Variants in MKI67 observed in about 807,000 individuals in gnomAD.
MKI67 encodes the protein marker of proliferation Ki-67.
A neutral mutation model predicts 233.5 loss-of-function variants in MKI67; 152 were observed. The observed-to-expected ratio is 0.65, with a 90% CI of 0.57 to 0.74. The LOEUF (loss-of-function observed/expected upper bound fraction) is 0.74. Among genes scored for constraint, MKI67 ranks in the 30% least tolerant of loss-of-function variants. The pLI is 0.00. For synonymous variants in MKI67, 1,465 were observed against 1,418.5 expected, an observed-to-expected ratio of 1.03 and a Z score of -0.74; for missense variants, 3,940 against 3,885.2, an observed-to-expected ratio of 1.01 and a Z score of -0.37.
chr10:128,105,742 G>A lies in MKI67; in HGVS notation c.6098C>T (p.Ala2033Val). The change falls in exon 13 of 15, where the codon GCA becomes GTA. Residue 2033 changes from alanine to valine, a missense_variant. Physicochemically the swap from Ala to Val is moderately conservative, Grantham distance 64. Transcript: ENST00000368654. ...GKTTQTHRETAGDGKSIKAFK... is the reference protein window; with the variant it reads ...GKTTQTHRETVGDGKSIKAFK... ...CGCTTTGATGCTCTTTCCATCTCCT[G>A]CTGTCTCTCTGTGTGTCTGTGTGGT... 1.2e-6 allele frequency: 2 copies of A among 1,614,050 alleles called. No homozygotes were observed. The highest frequency in any genetic ancestry group is 8.5e-7 in the Non-Finnish European group (1 of 1,180,024).
chr10:128,104,271 T>G lies in MKI67; in HGVS notation c.7569A>C (p.Lys2523Asn), dbSNP rs1852418764. The change falls in exon 13 of 15, where the codon AAA becomes AAC. Residue 2523 changes from lysine to asparagine, a missense_variant. Lys to Asn is a moderately conservative substitution (Grantham distance 94). Coordinates refer to ENST00000368654, the MANE Select transcript of MKI67 (RefSeq NM_002417.5). ...TCTGCTTTGGAGACTCCTTAAACGCTTTGATGCTCTTACTATCTCCTGTTG... is the reference window on the plus strand; with the variant it reads ...TCTGCTTTGGAGACTCCTTAAACGCGTTGATGCTCTTACTATCTCCTGTTG... The part of the protein sequence containing the change: ...TEPTGDSKSI[K>N]AFKESPKQIL... The G allele has an allele frequency of 1.2e-6, 2 of 1,614,004 alleles. No homozygotes were observed. Among genetic ancestry groups the G allele is most frequent in the East Asian group, 2.2e-5 (1 of 44,874 alleles).
chr10:128,099,763 T>C (rs1217847596), intron 14 of MKI67, among the ~76,000 whole-genome samples: 1 of 152,194 alleles, frequency 6.6e-6, no homozygotes, highest in Non-Finnish European at 1.5e-5. Flanking sequence ...AGCTTCTTAC[T>C]GGAAAAAATC....
rs778623506 is a variant in MKI67 at position 128,107,198 on chromosome 10, C to T, written c.4642G>A (p.Glu1548Lys). 45 of 1,614,086 alleles carry T rather than the reference C, an allele frequency of 2.8e-5. No homozygotes were observed. The highest frequency in any genetic ancestry group is 3.5e-5 in the Non-Finnish European group (41 of 1,180,024). The change falls in exon 13 of 15, where the codon GAG becomes AAG. Residue 1548 changes from glutamate (E) to lysine (K), a missense_variant. Glu to Lys is a moderately conservative substitution (Grantham distance 56). Transcript: ENST00000368654. ...MHTPKPAVSG[E>K]KNIYAFMGTP... ...CCCATAAATGCGTAGATGTTTTTCT[C>T]ACCACTTACTGCTGGTTTGGGTGTG...
chr10:128,107,737 G>T lies in MKI67; in HGVS notation c.4103C>A (p.Thr1368Asn). ...HTEEAVAAGKTTKMPCESSPP... is the reference protein window; with the variant it reads ...HTEEAVAAGKNTKMPCESSPP... ...AGAAGATTCGCAGGGCATTTTAGTAGTTTTGCCAGCAGCCACTGCTTCTTC... is the reference window on the plus strand; with the variant it reads ...AGAAGATTCGCAGGGCATTTTAGTATTTTTGCCAGCAGCCACTGCTTCTTC... The change falls in exon 13 of 15, where the codon ACT becomes AAT. Residue 1368 changes from threonine to asparagine, a missense_variant. Physicochemically the swap from Thr to Asn is moderately conservative, Grantham distance 65 (BLOSUM62 0). Transcript: ENST00000368654. 1 of 1,613,798 alleles carries T rather than the reference G, an allele frequency of 6.2e-7. No individual in the cohort carries two copies. The highest frequency in any genetic ancestry group is 1.3e-5 in the African/African-American group (1 of 74,868).
At chr10:128,102,323 C>T (rs991984120) in intron 13 of MKI67, among the ~76,000 whole-genome samples, 1 of 152,358 alleles carries the variant, frequency 6.6e-6, no homozygotes, top group Middle Eastern at 3.4e-3. Context: ...TGAAGATGAA[C>T]ATTACTCATT....
chr10:128,107,255 T>C lies in MKI67; in HGVS notation c.4585A>G (p.Lys1529Glu), dbSNP rs200474552. Residue 1529 changes from lysine to glutamate, a missense_variant, in exon 13 of 15, where the codon AAA becomes GAA. Lys to Glu is a moderately conservative substitution (Grantham distance 56, BLOSUM62 1). Transcript: ENST00000368654. ...DVEEEFFALRKRTPSAGKAMH... is the reference protein window; with the variant it reads ...DVEEEFFALRERTPSAGKAMH... ...GCTTTGCCTGCTGATGGTGTTCGTT[T>C]CCTGAGTGCGAAGAATTCTTCTTCT... 111 of 1,614,176 alleles carry C rather than the reference T, an allele frequency of 6.9e-5. No homozygotes were observed. Among genetic ancestry groups the C allele is most frequent in the Admixed American group, 8.3e-5 (5 of 60,026 alleles).
intron 5 of MKI67, among the ~76,000 whole-genome samples, chr10:128,118,654 T>A (rs1469033856): frequency 1.3e-5 from 2 of 152,198 alleles, no homozygotes; most frequent in Non-Finnish European, 2.9e-5. Flanking sequence ...TCTTCCACAC[T>A]GATATACTCA....
rs1447244072 is a variant in MKI67, at chr10:128,105,047, C to A, written c.6793G>T (p.Ala2265Ser). 9 of 1,613,728 alleles carry A rather than the reference C, an allele frequency of 5.6e-6. No homozygotes were observed. Among genetic ancestry groups the A allele is most frequent in the Non-Finnish European group, 6.8e-6 (8 of 1,180,010 alleles). The change falls in exon 13 of 15, where the codon GCT (alanine) becomes TCT (serine). Residue 2265 changes from alanine (A) to serine (S), a missense_variant. Transcript: ENST00000368654. ...LRKRTPSVGK[A>S]MDTPKPAGGD... ...CCTGCTGGTTTGGGTGTGTCCATAG[C>A]TTTCCCTACTGATGGTGTTCGTTTC... is the stretch of plus-strand genomic sequence containing the variant.
At position 128,110,361 on chromosome 10, in the gene MKI67, G is replaced by A; in HGVS notation, c.2416+17C>T. On this transcript the variant is annotated intron_variant, in intron 12 of 14. Coordinates refer to ENST00000368654, the MANE Select transcript of MKI67 (RefSeq NM_002417.5). ...CTATCCCAAAACATCACAGTGTTAGGAAACAAGGAAACCAACCAAAACTCT... is the reference window on the plus strand; with the variant it reads ...CTATCCCAAAACATCACAGTGTTAGAAAACAAGGAAACCAACCAAAACTCT... 1 of 1,537,902 alleles carries A rather than the reference G, an allele frequency of 6.5e-7. No individual in the cohort carries two copies.
chr10:128,106,347 T>G lies in MKI67; in HGVS notation c.5493A>C (p.Glu1831Asp). 6.2e-7 allele frequency: 1 copy of G among 1,613,234 alleles called. No individual in the cohort carries two copies. Among genetic ancestry groups the G allele is most frequent in the Non-Finnish European group, 8.5e-7 (1 of 1,179,796 alleles). ...GGAAAAGCTCTCTGAAGCCAGTCAG[T>G]TCTTCTAGAGCCTGGGCCTTTTCCT... is the stretch of plus-strand genomic sequence containing the variant. Reference protein sequence around the residue: ...TRKEKAQALEELTGFRELFQT... With the variant: ...TRKEKAQALEDLTGFRELFQT... Residue 1831 changes from glutamate to aspartate, a missense_variant, in exon 13 of 15, where the codon GAA becomes GAC. Coordinates refer to ENST00000368654, the MANE Select transcript of MKI67 (RefSeq NM_002417.5).
Position 128,105,573 on chromosome 10 carries a change from A to C in MKI67, c.6267T>G (p.Thr2089=). 6.2e-7 allele frequency: 1 copy of C among 1,613,832 alleles called. No individual in the cohort carries two copies. Among genetic ancestry groups the C allele is most frequent in the Non-Finnish European group, 8.5e-7 (1 of 1,179,962 alleles). The change falls in exon 13 of 15, where the codon ACT becomes ACG. Residue 2089 remains threonine, a synonymous_variant. Transcript: ENST00000368654. ...FKELFQTPDH[T]EESTTDDKTT... is the part of the protein sequence containing the mutation. ...TTTTGTCATCAGTTGTTGATTCCTC[A>C]GTGTGGTCTGGTGTCTGGAAGAGCT... is the stretch of plus-strand genomic sequence containing the variant.
At chr10:128,124,379 G>A (rs1299886819) in intron 2 of MKI67, among the ~76,000 whole-genome samples, 2 of 152,178 alleles carry the variant, frequency 1.3e-5, no homozygotes, top group African/African-American at 4.8e-5. Context: ...TATTGTGGGG[G>A]CTGCCCTGAG....
At chr10:128,099,284 T>C in intron 14 of MKI67, 29 bp from the exon 15 acceptor site, 2 of 1,587,696 alleles carry the variant, frequency 1.3e-6, no homozygotes, top group Non-Finnish European at 1.7e-6. Flanking sequence ...AATAGAACTC[T>C]TAAGTAATTT....
chr10:128,111,615 G>A (rs1399554261), intron 11 of MKI67, 30 bp downstream of exon 11: 2 of 1,523,756 alleles, frequency 1.3e-6, no homozygotes, highest in Non-Finnish European at 1.8e-6. Context: ...AGAGTCAAAA[G>A]ATTTATAAGA....
rs762114763 is a variant in MKI67 at position 128,105,038 on chromosome 10, T to C, written c.6802A>G (p.Thr2268Ala). 1.1e-5 allele frequency: 18 copies of C among 1,613,574 alleles called. No individual in the cohort carries two copies. Among genetic ancestry groups the C allele is most frequent in the Non-Finnish European group, 1.5e-5 (18 of 1,179,982 alleles). ...TCATCACCTCCTGCTGGTTTGGGTG[T>C]GTCCATAGCTTTCCCTACTGATGGT... ...RTPSVGKAMD[T>A]PKPAGGDEKD... Residue 2268 changes from threonine (T) to alanine (A), a missense_variant, in exon 13 of 15, where the codon ACA becomes GCA. Coordinates refer to ENST00000368654, the MANE Select transcript of MKI67 (RefSeq NM_002417.5).
chr10:128,107,569 G>A lies in MKI67; in HGVS notation c.4271C>T (p.Pro1424Leu). The A allele has an allele frequency of 1.9e-6, 3 of 1,614,058 alleles. No homozygotes were observed. The highest frequency in any genetic ancestry group is 2.5e-6 in the Non-Finnish European group (3 of 1,180,020). ...SGETTHTDKV[P>L]GGEDKSINAF... ...GTTGATGCTTTTATCCTCACCTCCTGGTACTTTATCTGTGTGTGTGGTTTC... is the reference window on the plus strand; with the variant it reads ...GTTGATGCTTTTATCCTCACCTCCTAGTACTTTATCTGTGTGTGTGGTTTC... Residue 1424 changes from proline (P) to leucine (L), a missense_variant, in exon 13 of 15, where the codon CCA becomes CTA. Physicochemically the swap from Pro to Leu is moderately conservative, Grantham distance 98. Coordinates refer to ENST00000368654, the MANE Select transcript of MKI67 (RefSeq NM_002417.5).
In MKI67 at chr10:128,125,036, T is replaced by C. The variant is rs576576676; in HGVS notation, c.92+540A>G. Among the ~76,000 whole-genome samples the C allele has an allele frequency of 2.8e-4, 43 of 152,212 alleles. No homozygotes were observed. In the South Asian group the frequency reaches 8.3e-3, roughly 29 times the overall value. On this transcript the variant is annotated intron_variant, in intron 2 of 14. Coordinates refer to ENST00000368654, the MANE Select transcript of MKI67 (RefSeq NM_002417.5). The surrounding 1 kb of genome is among the most constrained non-coding windows in gnomAD (Gnocchi z 5.3). Reference sequence around the variant, plus strand: ...TAGTGGGACACATGTCAGAGGCTGATGGGGCACTGTCAGCAACTATACCTG... The same window carrying C: ...TAGTGGGACACATGTCAGAGGCTGACGGGGCACTGTCAGCAACTATACCTG...
Position 128,115,767 on chromosome 10 carries a change from C to T in MKI67, c.641G>A (p.Arg214His), listed in dbSNP as rs764228841. ...KEISSVKLVSRYGELKSVPTT... is the reference protein window; with the variant it reads ...KEISSVKLVSHYGELKSVPTT... The stretch of plus-strand genomic sequence containing the variant: ...GGGAACAGACTTCAATTCTCCATAA[C>T]GGCTCACTAATTTAACGCTGGAAAT... The change falls in exon 7 of 15, where the codon CGT (arginine) becomes CAT (histidine). Residue 214 changes from arginine to histidine, a missense_variant. Arg to His is a conservative substitution (Grantham distance 29). Coordinates refer to ENST00000368654, the MANE Select transcript of MKI67 (RefSeq NM_002417.5). 47 of 1,613,070 alleles carry T rather than the reference C, an allele frequency of 2.9e-5. No individual in the cohort carries two copies. The highest frequency in any genetic ancestry group is 1.7e-5 in the Admixed American group (1 of 60,006).
Position 128,101,258 on chromosome 10 carries a change from C to T in MKI67, c.9705G>A (p.Lys3235=), listed in dbSNP as rs950969346. 1.9e-6 allele frequency: 3 copies of T among 1,606,938 alleles called. No individual in the cohort carries two copies. The highest frequency in any genetic ancestry group is 1.3e-5 in the African/African-American group (1 of 74,854). ...AACAGGGAAACAGTAAATGGCTTAC[C>T]TTCTTTGGATTTTCTGCACACCTCT... ...SVKRCAENPK[K]AEDNVCVKKI... is the part of the protein sequence containing the mutation. The change falls in exon 14 of 15, where the codon AAG becomes AAA. Residue 3235 remains lysine (K), a splice_region_variant and synonymous_variant. Coordinates refer to ENST00000368654, the MANE Select transcript of MKI67 (RefSeq NM_002417.5).
Sources: allele counts gnomAD v4.1 joint callset (sites outside exome capture counted in the v4.1 genomes callset), GRCh38; gene constraint gnomAD v4.1.1; non-coding constraint Gnocchi (gnomAD v3.1); transcripts MANE v1.5; gene names NCBI Gene and HGNC (gene_info 2026-07-23, HGNC 2026-07-21).